EDDM3B: variants seen among roughly 807,000 people sequenced by gnomAD.
EDDM3B encodes epididymal protein 3B.
For missense variants in EDDM3B, 189 were observed against 178.3 expected (o/e 1.06, Z -0.34); for synonymous variants, 71 against 59.1 (o/e 1.20, Z -0.92).
chr14:20,770,621 GGTAGA>G lies in EDDM3B; in HGVS notation c.*31_*35del. On this transcript the variant is annotated 3_prime_UTR_variant, in exon 2 of 2. Transcript: ENST00000326783. Reference sequence around the variant, plus strand: ...AAGTCTATGCACATCCTCAGGTATTGGTAGAGTATTCAGTGCTTTCTAAGTAGCAG... The same window carrying G: ...AAGTCTATGCACATCCTCAGGTATTGGTATTCAGTGCTTTCTAAGTAGCAG... 6.3e-7 allele frequency: 1 copy of G among 1,575,982 alleles called. No individual in the cohort carries two copies.
rs1286925719 is a variant in EDDM3B, at chr14:20,770,511, A to G, written c.361A>G (p.Asn121Asp). ...KNSYTESRSFNYIEFHCSMDG... is the reference protein window; with the variant it reads ...KNSYTESRSFDYIEFHCSMDG... The stretch of plus-strand genomic sequence containing the variant: ...TAGCTACACAGAGAGCAGGAGCTTC[A>G]ACTACATTGAATTCCATTGTAGCAT... Residue 121 changes from asparagine to aspartate, a missense_variant, in exon 2 of 2, where the codon AAC (asparagine) becomes GAC (aspartate). By Grantham distance (23) the Asn-to-Asp change is conservative. Transcript: ENST00000326783. 1 of 1,614,182 alleles carries G rather than the reference A, an allele frequency of 6.2e-7. No individual in the cohort carries two copies. The highest frequency in any genetic ancestry group is 1.3e-5 in the African/African-American group (1 of 75,050).
chr14:20,770,060 T>G, intron 1 of EDDM3B, 73 bp from the exon 2 acceptor site: 2 of 1,309,582 alleles, frequency 1.5e-6, no homozygotes, highest in Non-Finnish European at 2.1e-6. Flanking sequence ...GGGGAAGGAA[T>G]TTTAAGGTGG....
rs1045584968 is a variant in EDDM3B, at chr14:20,770,174, G to T, written c.24G>T (p.Trp8Cys). Residue 8 changes from tryptophan to cysteine, a missense_variant, in exon 2 of 2, where the codon TGG (tryptophan) becomes TGT (cysteine). Transcript: ENST00000326783. MASSLKI[W>C]GTLLALLCIL... ...AGATGGCATCGTCTCTAAAGATCTG[G>T]GGCACACTCTTGGCCCTACTTTGCA... 1 of 1,612,550 alleles carries T rather than the reference G, an allele frequency of 6.2e-7. No homozygotes were observed.
chr14:20,769,291 C>T (rs10150500), intron 1 of EDDM3B, among the ~76,000 whole-genome samples: 11 of 152,094 alleles, frequency 7.2e-5, no homozygotes, highest in African/African-American at 1.4e-4. Flanking sequence ...ATCTCAGCTA[C>T]GTGGGAGGCT....
In EDDM3B at chr14:20,770,701, C is replaced by T. The variant is rs1878319981; in HGVS notation, c.*107C>T. ...CCACTCCCCTCTTGCATTTATTTGT[C>T]AATGTTTTCCAAATACTTAGAGTTA... On this transcript the variant is annotated 3_prime_UTR_variant, in exon 2 of 2. Transcript: ENST00000326783. 1.2e-6 allele frequency: 1 copy of T among 865,262 alleles called. No homozygotes were observed. Among genetic ancestry groups the T allele is most frequent in the Non-Finnish European group, 1.8e-6 (1 of 562,246 alleles). The allele number at this position is 865,262 out of a possible 1,614,324, so 53.6% of individuals were successfully genotyped here. A position where few individuals can be genotyped will look rare whatever the true frequency, so the allele number is the denominator to read the frequency against.
At chr14:20,769,968 A>C (rs1214541193) in intron 1 of EDDM3B, among the ~76,000 whole-genome samples, 165 bp from the exon 2 acceptor site, 1 of 152,196 alleles carries the variant, frequency 6.6e-6, no homozygotes, top group Non-Finnish European at 1.5e-5. Flanking sequence ...TTTAGTTCTT[A>C]GAAACTCTAT....
chr14:20,768,788 C>T (rs726935), intron 1 of EDDM3B, among the ~76,000 whole-genome samples: 19 of 152,124 alleles, frequency 1.2e-4, no homozygotes, highest in Admixed American at 3.3e-4. Context: ...TAGGAAGTAC[C>T]GACCCTTTGT....
chr14:20,770,020 A>G (rs1566359050), intron 1 of EDDM3B, 113 bp from the exon 2 acceptor site: 5 of 801,254 alleles, frequency 6.2e-6, no homozygotes, highest in Non-Finnish European at 7.7e-6. Context: ...GGAACCAAAT[A>G]GTAAAATTGC....
At position 20,770,812 on chromosome 14, in the gene EDDM3B, A is replaced by G. The variant is rs1374352708; in HGVS notation, c.*218A>G. On this transcript the variant is annotated 3_prime_UTR_variant, in exon 2 of 2. Coordinates refer to ENST00000326783, the MANE Select transcript of EDDM3B (RefSeq NM_022360.5). ...ACTTTTGTCTTCATTTACCTAATTT[A>G]CTCTTATACTTTTGTCGACATTCAG... 2 of 503,322 alleles carry G rather than the reference A, an allele frequency of 4.0e-6. No individual in the cohort carries two copies. The highest frequency in any genetic ancestry group is 1.9e-5 in the African/African-American group (1 of 51,416). 31.2% of individuals were successfully genotyped at this position (503,322 alleles called of 1,614,324 possible).
At chr14:20,769,336 G>T (rs149829621) in intron 1 of EDDM3B, among the ~76,000 whole-genome samples, 3 of 152,320 alleles carry the variant, frequency 2.0e-5, no homozygotes, top group East Asian at 3.9e-4. Context: ...GGAGGTGAAG[G>T]TTGCAGTGAG....
At chr14:20,769,853 G>A (rs1878283501) in intron 1 of EDDM3B, among the ~76,000 whole-genome samples, 1 of 152,180 alleles carries the variant, frequency 6.6e-6, no homozygotes, top group Non-Finnish European at 1.5e-5. Flanking sequence ...TGGCTCCTCA[G>A]GTTGGGTGTA....
In EDDM3B at chr14:20,770,718, TTAGAGTTATGAA is replaced by T; in HGVS notation, c.*128_*139del. ...TTATTTGTCAATGTTTTCCAAATAC[TTAGAGTTATGAA>T]TAGCATAATTTCTTGATACCATAAC... On this transcript the variant is annotated 3_prime_UTR_variant, in exon 2 of 2. Coordinates refer to ENST00000326783, the MANE Select transcript of EDDM3B (RefSeq NM_022360.5). 3 of 780,646 alleles carry T rather than the reference TTAGAGTTATGAA, an allele frequency of 3.8e-6. No individual in the cohort carries two copies. The South Asian group carries it at 5.7e-5, about 15-fold the overall frequency. 48.4% of individuals were successfully genotyped at this position (780,646 alleles called of 1,614,324 possible). A position where few individuals can be genotyped will look rare whatever the true frequency, so the allele number is the denominator to read the frequency against.
Position 20,770,586 on chromosome 14 carries a change from G to A in EDDM3B, c.436G>A (p.Gly146Ser), listed in dbSNP as rs540262572. ...IEDLKMVEPI[G>S]N is the part of the protein sequence containing the mutation. ...AGACCTAAAGATGGTAGAACCTATC[G>A]GCAACTAGAAAGTCTATGCACATCC... Residue 146 changes from glycine to serine, a missense_variant, in exon 2 of 2, where the codon GGC (glycine) becomes AGC (serine). Gly to Ser is a moderately conservative substitution (Grantham distance 56). Coordinates refer to ENST00000326783, the MANE Select transcript of EDDM3B (RefSeq NM_022360.5). 141 of 1,609,434 alleles carry A rather than the reference G, an allele frequency of 8.8e-5. No homozygotes were observed. Among genetic ancestry groups the A allele is most frequent in the South Asian group, 1.5e-4 (14 of 90,386 alleles).
Position 20,770,250 on chromosome 14 carries a change from A to T in EDDM3B, c.100A>T (p.Met34Leu). ...CAAAGAAGTTTCTTGGAGAGAATTC[A>T]TGAAACAGCACTACTTAAGTCCAAG... is the stretch of plus-strand genomic sequence containing the variant. ...QSKEVSWREF[M>L]KQHYLSPSRE... is the part of the protein sequence containing the mutation. Residue 34 changes from methionine (M) to leucine (L), a missense_variant, in exon 2 of 2, where the codon ATG becomes TTG. By Grantham distance (15) the Met-to-Leu change is conservative (BLOSUM62 2). Transcript: ENST00000326783. 6.2e-7 allele frequency: 1 copy of T among 1,614,204 alleles called. No homozygotes were observed. The highest frequency in any genetic ancestry group is 2.2e-5 in the East Asian group (1 of 44,882).
Position 20,770,679 on chromosome 14 carries a change from C to A in EDDM3B, c.*85C>A. ...CCTGCCTCCATCAATAGTCCTACCA[C>A]TCCCCTCTTGCATTTATTTGTCAAT... On this transcript the variant is annotated 3_prime_UTR_variant, in exon 2 of 2. Coordinates refer to ENST00000326783, the MANE Select transcript of EDDM3B (RefSeq NM_022360.5). 2 of 1,033,764 alleles carry A rather than the reference C, an allele frequency of 1.9e-6. No individual in the cohort carries two copies. Among genetic ancestry groups the A allele is most frequent in the Non-Finnish European group, 1.4e-6 (1 of 703,186 alleles). 64.0% of individuals were successfully genotyped at this position (1,033,764 alleles called of 1,614,324 possible). A position where few individuals can be genotyped will look rare whatever the true frequency, so the allele number is the denominator to read the frequency against.
In EDDM3B at chr14:20,770,847, C is replaced by T. The variant is rs1237340380; in HGVS notation, c.*253C>T. Reference sequence around the variant, plus strand: ...TTTTGTCGACATTCAGCTCATATGGCATCTGTTCTTGATTAACCCAAGACT... The same window carrying T: ...TTTTGTCGACATTCAGCTCATATGGTATCTGTTCTTGATTAACCCAAGACT... On this transcript the variant is annotated 3_prime_UTR_variant, in exon 2 of 2. Coordinates refer to ENST00000326783, the MANE Select transcript of EDDM3B (RefSeq NM_022360.5). 3 of 433,876 alleles carry T rather than the reference C, an allele frequency of 6.9e-6. No homozygotes were observed. Among genetic ancestry groups the T allele is most frequent in the South Asian group, 3.1e-5 (1 of 31,984 alleles). 26.9% of individuals were successfully genotyped at this position (433,876 alleles called of 1,614,324 possible).
Position 20,770,197 on chromosome 14 carries a change from G to T in EDDM3B, c.47G>T (p.Cys16Phe), listed in dbSNP as rs563985489. 1.9e-6 allele frequency: 3 copies of T among 1,614,074 alleles called. No individual in the cohort carries two copies. Among genetic ancestry groups the T allele is most frequent in the Non-Finnish European group, 2.5e-6 (3 of 1,179,972 alleles). ...KIWGTLLALL[C>F]ILCTLLVQSK... ...TGGGGCACACTCTTGGCCCTACTTTGCATCCTATGCACACTGCTTGTACAG... is the reference window on the plus strand; with the variant it reads ...TGGGGCACACTCTTGGCCCTACTTTTCATCCTATGCACACTGCTTGTACAG... Residue 16 changes from cysteine to phenylalanine, a missense_variant, in exon 2 of 2, where the codon TGC becomes TTC. Transcript: ENST00000326783.
chr14:20,770,247 T>C lies in EDDM3B; in HGVS notation c.97T>C (p.Phe33Leu), dbSNP rs1878299704. ...VQSKEVSWRE[F>L]MKQHYLSPSR... ...GAGCAAAGAAGTTTCTTGGAGAGAA[T>C]TCATGAAACAGCACTACTTAAGTCC... Residue 33 changes from phenylalanine to leucine, a missense_variant, in exon 2 of 2, where the codon TTC becomes CTC. By Grantham distance (22) the Phe-to-Leu change is conservative (BLOSUM62 0). Transcript: ENST00000326783. 6.2e-7 allele frequency: 1 copy of C among 1,614,026 alleles called. No homozygotes were observed. Among genetic ancestry groups the C allele is most frequent in the African/African-American group, 1.3e-5 (1 of 74,898 alleles).
At chr14:20,768,664 C>T (rs770668372) in intron 1 of EDDM3B, among the ~76,000 whole-genome samples, 158 bp downstream of exon 1, 25 of 152,286 alleles carry the variant, frequency 1.6e-4, no homozygotes, top group Middle Eastern at 3.4e-3. Flanking sequence ...ACAGGCTTTC[C>T]CTGCCCCTCC....
Sources: allele counts gnomAD v4.1 joint callset (sites outside exome capture counted in the v4.1 genomes callset), GRCh38; gene constraint gnomAD v4.1.1; transcripts MANE v1.5; gene names NCBI Gene and HGNC (gene_info 2026-07-23, HGNC 2026-07-21).